The following COPZ1 variants were observed in gnomAD, a reference collection of about 807,000 sequenced individuals.
COPZ1 encodes coat protein complex I subunit zeta 1.
A neutral mutation model predicts 31.7 loss-of-function variants in COPZ1; 4 were observed. That is an observed-to-expected ratio of 0.13 (90% confidence interval 0.06 to 0.29). The LOEUF is 0.29. COPZ1 is among the 10% of genes least tolerant of loss of function. COPZ1 has a pLI of 1.00. For synonymous variants in COPZ1, 74 were observed against 79.0 expected (o/e 0.94, Z 0.33); for missense variants, 156 against 211.5 (o/e 0.74, Z 1.63).
At chr12:54,333,152 T>C (rs1953788108) in intron 1 of COPZ1, among the ~76,000 whole-genome samples, 1 of 152,202 alleles carries the variant, frequency 6.6e-6, no homozygotes, top group Non-Finnish European at 1.5e-5. Flanking sequence ...TAAGCAATTC[T>C]CATGCCTCAG....
intron 2 of COPZ1, 146 bp downstream of exon 2, chr12:54,340,761 C>T (rs1331861562): frequency 1.7e-5 from 15 of 878,544 alleles, no homozygotes; most frequent in Middle Eastern, 5.6e-4. Flanking sequence ...GATGGAGTTT[C>T]GCTCTTATCA....
intron 1 of COPZ1, among the ~76,000 whole-genome samples, chr12:54,332,236 G>C (rs1953770825): frequency 6.6e-6 from 1 of 151,248 alleles, no homozygotes; most frequent in Non-Finnish European, 1.5e-5. Flanking sequence ...GCAGGAGAAT[G>C]GCGTGAACCC....
intron 1 of COPZ1, among the ~76,000 whole-genome samples, chr12:54,334,201 T>C (rs572680662): frequency 1.3e-5 from 2 of 151,570 alleles, no homozygotes; most frequent in South Asian, 2.1e-4. Flanking sequence ...CGAGACCAGC[T>C]TGGCCAACAT....
At chr12:54,327,948 A>G (rs181877658) in intron 1 of COPZ1, among the ~76,000 whole-genome samples, 2 of 151,690 alleles carry the variant, frequency 1.3e-5, no homozygotes, top group Non-Finnish European at 2.9e-5. Context: ...GCCTGTGTGT[A>G]GTGGGTAAGC....
chr12:54,349,673 T>G lies in COPZ1; in HGVS notation c.486+15T>G, dbSNP rs746881401. The G allele has an allele frequency of 1.2e-6, 2 of 1,603,268 alleles. No individual in the cohort carries two copies. Among genetic ancestry groups the G allele is most frequent in the Admixed American group, 3.3e-5 (2 of 60,018 alleles). On this transcript the variant is annotated intron_variant, in intron 8 of 8. Coordinates refer to ENST00000262061, the MANE Select transcript of COPZ1 (RefSeq NM_016057.3). ...CCGTGTCTCAGGTATGACTCTCCCT[T>G]CTTCCTTTCCAGATGGACTGGGTCA... is the stretch of plus-strand genomic sequence containing the variant.
intron 1 of COPZ1, among the ~76,000 whole-genome samples, chr12:54,327,127 C>T (rs1396580717): frequency 2.0e-5 from 3 of 150,012 alleles, no homozygotes; most frequent in South Asian, 2.1e-4. Flanking sequence ...GTTACAGGCA[C>T]GCGCCACCAT....
At chr12:54,347,149 C>T (rs1954078449) in intron 5 of COPZ1, among the ~76,000 whole-genome samples, 1 of 152,074 alleles carries the variant, frequency 6.6e-6, no homozygotes, top group African/African-American at 2.4e-5. Context: ...ATTTCTTATC[C>T]AGGTGAATGA....
chr12:54,326,640 GGTGTGTGTGTGTGT>G (rs71070816), intron 1 of COPZ1, among the ~76,000 whole-genome samples: 31 of 134,588 alleles, frequency 2.3e-4, no homozygotes, highest in East Asian at 1.1e-3. Flanking sequence ...GATTTGGAGG[GGTGTGTGTGTGTGT>G]GTGTGTGTGT....
Position 54,325,195 on chromosome 12 carries a change from G to T in COPZ1, c.18+14G>T. 1 of 1,558,152 alleles carries T rather than the reference G, an allele frequency of 6.4e-7. No homozygotes were observed. ...GCGCTGATTTTGGTAGGAGCTGGAGGGGCAGCAGAGATGCTGTGGTGTCCA... is the reference window on the plus strand; with the variant it reads ...GCGCTGATTTTGGTAGGAGCTGGAGTGGCAGCAGAGATGCTGTGGTGTCCA... On this transcript the variant is annotated intron_variant, in intron 1 of 8. Coordinates refer to ENST00000262061, the MANE Select transcript of COPZ1 (RefSeq NM_016057.3).
intron 1 of COPZ1, among the ~76,000 whole-genome samples, chr12:54,338,816 T>C (rs979682692): frequency 1.3e-4 from 20 of 152,100 alleles, no homozygotes; most frequent in Non-Finnish European, 5.9e-5. Flanking sequence ...CCTCATCACC[T>C]TGTTGTCAAA....
intron 1 of COPZ1, 84 bp from the exon 2 acceptor site, chr12:54,340,463 C>T (rs776063434): frequency 6.3e-7 from 1 of 1,585,472 alleles, no homozygotes. Flanking sequence ...CCCCTTGCAG[C>T]CCCAGTGGGA....
At chr12:54,348,931 C>T (rs1210610333) in intron 7 of COPZ1, among the ~76,000 whole-genome samples, 1 of 152,060 alleles carries the variant, frequency 6.6e-6, no homozygotes, top group Admixed American at 6.5e-5. Context: ...AGAGAGCCCA[C>T]CAACAAATTA....
At chr12:54,349,939 C>T (rs879071064) in intron 8 of COPZ1, 6 of 594,218 alleles carry the variant, frequency 1.0e-5, no homozygotes, top group South Asian at 1.0e-4. Flanking sequence ...ATTTATTCCC[C>T]AGCAGAGGCT....
chr12:54,345,241 T>A (rs769735570), intron 4 of COPZ1, among the ~76,000 whole-genome samples: 4 of 152,218 alleles, frequency 2.6e-5, no homozygotes, highest in Non-Finnish European at 5.9e-5. Context: ...TTTAAACTTT[T>A]GGCTAAAAGA....
intron 4 of COPZ1, 53 bp downstream of exon 4, chr12:54,343,369 G>A (rs1954007616): frequency 2.1e-6 from 3 of 1,459,882 alleles, no homozygotes; most frequent in African/African-American, 2.8e-5. Context: ...CTAAACCACA[G>A]GCAGTACATA....
At chr12:54,348,278 A>G (rs1275128678) in intron 7 of COPZ1, 2 of 541,520 alleles carry the variant, frequency 3.7e-6, no homozygotes, top group Middle Eastern at 4.6e-4. Flanking sequence ...CATCTCATAC[A>G]GTCTTTGCAC....
intron 7 of COPZ1, 27 bp downstream of exon 7, chr12:54,348,078 C>T (rs375046183): frequency 2.1e-5 from 34 of 1,611,626 alleles, no homozygotes; most frequent in Non-Finnish European, 2.8e-5. Context: ...TTCTTTGCAT[C>T]CCCGCATCTA....
At chr12:54,343,515 A>T (rs1356406977) in intron 4 of COPZ1, among the ~76,000 whole-genome samples, 199 bp downstream of exon 4, 1 of 152,186 alleles carries the variant, frequency 6.6e-6, no homozygotes, top group Non-Finnish European at 1.5e-5. Flanking sequence ...TTCCTAGATT[A>T]ATCTTTTGCA....
chr12:54,336,805 T>G (rs1441568528), intron 1 of COPZ1, among the ~76,000 whole-genome samples: 3 of 151,770 alleles, frequency 2.0e-5, no homozygotes, highest in Non-Finnish European at 4.4e-5. Flanking sequence ...AGGCAGATCA[T>G]GAGGTCAGGA....
Sources: allele counts gnomAD v4.1 joint callset (sites outside exome capture counted in the v4.1 genomes callset), GRCh38; gene constraint gnomAD v4.1.1; transcripts MANE v1.5; gene names NCBI Gene and HGNC (gene_info 2026-07-23, HGNC 2026-07-21).